Variants in PDE1A observed in about 807,000 individuals in gnomAD.
PDE1A encodes phosphodiesterase 1A.
Under a neutral mutation model 61.7 loss-of-function variants are expected in PDE1A, and 35 were observed. The observed-to-expected ratio is 0.57, with a 90% CI of 0.43 to 0.75. The LOEUF (loss-of-function observed/expected upper bound fraction) is 0.75, where lower values mean the gene tolerates loss of function less well. Ranked by LOEUF, PDE1A falls within the 30% of genes least tolerant of loss-of-function variation. PDE1A has a pLI of 0.00. For synonymous variants in PDE1A, 232 were observed against 213.2 expected (o/e 1.09, Z -0.77); for missense variants, 597 against 630.6 (o/e 0.95, Z 0.57).
chr2:182,566,902 C>G, the PDE1A span, among the ~76,000 whole-genome samples: 2 of 152,162 alleles, frequency 1.3e-5, no homozygotes, highest in Admixed American at 1.3e-4. Context: ...CTGTGAATAC[C>G]TAGATTTAGT....
chr2:182,363,278 A>G (rs1397564810), intron 1 of PDE1A, among the ~76,000 whole-genome samples: 4 of 152,060 alleles, frequency 2.6e-5, no homozygotes, highest in Non-Finnish European at 5.9e-5. Context: ...TAACATGCAT[A>G]TATGTTCCTA....
chr2:182,201,375 G>A lies in PDE1A; in HGVS notation c.1125+64C>T, dbSNP rs201692619. ...CAAGCCCTGGATTCCATACAGAAAA[G>A]GTGTACGCTAATATGCACAGTCACT... On this transcript the variant is annotated intron_variant, in intron 10 of 13. Transcript: ENST00000351439. The A allele has an allele frequency of 1.1e-4, 172 of 1,571,192 alleles. 2 individuals carry two copies. Among genetic ancestry groups the A allele is most frequent in the South Asian group, 7.1e-4 (61 of 85,558 alleles).
At chr2:182,564,281 C>G in the PDE1A span, among the ~76,000 whole-genome samples, 6 of 152,210 alleles carry the variant, frequency 3.9e-5, no homozygotes, top group African/African-American at 9.6e-5. Context: ...ATTTGCTTGT[C>G]TGTAAAGTAT....
chr2:182,674,654 C>A, the PDE1A span, among the ~76,000 whole-genome samples: 5 of 151,846 alleles, frequency 3.3e-5, no homozygotes, highest in African/African-American at 1.2e-4. Context: ...TTCAGAATTG[C>A]CACCTCTGAT....
chr2:182,169,841 C>T (rs138316406), intron 13 of PDE1A, among the ~76,000 whole-genome samples: 42 of 151,662 alleles, frequency 2.8e-4, no homozygotes, highest in African/African-American at 9.9e-4. Flanking sequence ...GGCATGCTCC[C>T]TCTACCTTCC....
At chr2:182,691,413 A>C in the PDE1A span, among the ~76,000 whole-genome samples, 1 of 152,248 alleles carries the variant, frequency 6.6e-6, no homozygotes, top group South Asian at 2.1e-4. Flanking sequence ...AAACCTGACA[A>C]AAACAAGAAA....
intron 7 of PDE1A, among the ~76,000 whole-genome samples, chr2:182,212,190 T>C (rs1687666238): frequency 1.2e-5 from 1 of 83,708 alleles, no homozygotes; most frequent in Admixed American, 1.3e-4. Flanking sequence ...TAATTGACAA[T>C]TAAAATTATA....
At chr2:182,673,066 A>G in the PDE1A span, among the ~76,000 whole-genome samples, 1 of 152,228 alleles carries the variant, frequency 6.6e-6, no homozygotes, top group Non-Finnish European at 1.5e-5. Context: ...AAAGAATGAC[A>G]ATACAACAGA....
chr2:182,254,410 G>A (rs1346946368), intron 2 of PDE1A, among the ~76,000 whole-genome samples: 5 of 152,096 alleles, frequency 3.3e-5, no homozygotes, highest in South Asian at 2.1e-4. Flanking sequence ...TTCCAGCAAC[G>A]TCTTAGCACA....
upstream of PDE1A, among the ~76,000 whole-genome samples, chr2:182,524,869 G>C (rs1690752743): frequency 6.6e-6 from 1 of 151,706 alleles, no homozygotes; most frequent in Non-Finnish European, 1.5e-5. Flanking sequence ...TCTACAGTCA[G>C]GTAAATTATC....
At chr2:182,228,033 C>T (rs1246933252) in intron 6 of PDE1A, among the ~76,000 whole-genome samples, 1 of 152,094 alleles carries the variant, frequency 6.6e-6, no homozygotes, top group East Asian at 1.9e-4. Flanking sequence ...GTTTTCTGGC[C>T]AAGGCCCTTG....
At chr2:182,375,134 A>G (rs1384222131) in intron 1 of PDE1A, among the ~76,000 whole-genome samples, 1 of 152,174 alleles carries the variant, frequency 6.6e-6, no homozygotes, top group East Asian at 1.9e-4. Flanking sequence ...GGGTGGGGAC[A>G]TAGAGCCAAA....
chr2:182,575,021 C>T, the PDE1A span, among the ~76,000 whole-genome samples: 13 of 152,306 alleles, frequency 8.5e-5, no homozygotes, highest in South Asian at 1.9e-3. Flanking sequence ...CTACAGTCTC[C>T]GTTTCTGCAG....
the PDE1A span, among the ~76,000 whole-genome samples, chr2:182,611,836 G>A: frequency 2.0e-5 from 3 of 152,126 alleles, no homozygotes; most frequent in African/African-American, 7.2e-5. Context: ...ATTTGAAACT[G>A]ATGACCGGCT....
intron 1 of PDE1A, among the ~76,000 whole-genome samples, chr2:182,352,708 G>A (rs1180688794): frequency 6.8e-6 from 1 of 147,148 alleles, no homozygotes; most frequent in Non-Finnish European, 1.5e-5. Context: ...CTGCCCATTT[G>A]CTAGCTGGAC....
chr2:182,278,566 G>A (rs769905443), intron 1 of PDE1A, among the ~76,000 whole-genome samples: 7 of 151,962 alleles, frequency 4.6e-5, no homozygotes, highest in Middle Eastern at 3.4e-3. Flanking sequence ...TCATAGTTTT[G>A]ATCTAGTGTA....
chr2:182,235,174 C>T (rs1419672284), intron 3 of PDE1A, among the ~76,000 whole-genome samples: 3 of 152,138 alleles, frequency 2.0e-5, no homozygotes, highest in South Asian at 2.1e-4. Flanking sequence ...GACAGAGTCT[C>T]GCTCTGTTGC....
chr2:182,658,315 C>A, the PDE1A span, among the ~76,000 whole-genome samples: 1 of 152,184 alleles, frequency 6.6e-6, no homozygotes, highest in Admixed American at 6.5e-5. Flanking sequence ...CCTTGCCTTG[C>A]AATTGTAACA....
At chr2:182,532,271 A>G in the PDE1A span, among the ~76,000 whole-genome samples, 1 of 152,238 alleles carries the variant, frequency 6.6e-6, no homozygotes, top group Admixed American at 6.5e-5. Flanking sequence ...GAAAGGATCA[A>G]TGTTTGACAT....
Sources: allele counts gnomAD v4.1 joint callset (sites outside exome capture counted in the v4.1 genomes callset), GRCh38; gene constraint gnomAD v4.1.1; transcripts MANE v1.5; gene names NCBI Gene and HGNC (gene_info 2026-07-23, HGNC 2026-07-21).